KBTBD11: variants seen among roughly 807,000 people sequenced by gnomAD.
KBTBD11 encodes kelch repeat and BTB domain-containing protein 11.
For synonymous variants in KBTBD11, 747 were observed against 499.0 expected, an observed-to-expected ratio of 1.50 and a Z score of -6.63; for missense variants, 1,390 against 1,001.8, an observed-to-expected ratio of 1.39 and a Z score of -5.23.
intron 1 of KBTBD11, among the ~76,000 whole-genome samples, chr8:1,989,734 C>CT (rs1816838417): frequency 6.6e-6 from 1 of 152,142 alleles, no homozygotes. Context: ...CGAGTGCCCC[C>CT]TCACCTCCCT....
At position 2,001,995 on chromosome 8, in the gene KBTBD11, GCGAGCC is replaced by G; in HGVS notation, c.806_811del (p.Glu269_Pro270del). The stretch of plus-strand genomic sequence containing the variant: ...AGCGACCACTATCTGGAGGTGCTGC[GCGAGCC>G]CGCCGTGTTCGGCCGCCTGTCGGGC... On this transcript the variant is annotated inframe_deletion, in exon 2 of 2. Transcript: ENST00000320248. 7.0e-7 allele frequency: 1 copy of G among 1,426,436 alleles called. No homozygotes were observed. Among genetic ancestry groups the G allele is most frequent in the African/African-American group, 1.5e-5 (1 of 66,744 alleles). 88.4% of individuals were successfully genotyped at this position (1,426,436 alleles called of 1,614,324 possible).
At position 2,001,203 on chromosome 8, in the gene KBTBD11, C is replaced by G. The variant is rs1365046783; in HGVS notation, c.11C>G (p.Ala4Gly). The G allele has an allele frequency of 2.9e-6, 4 of 1,374,882 alleles. No individual in the cohort carries two copies. The African/African-American group carries it at 4.5e-5, about 16-fold the overall frequency. 85.2% of individuals were successfully genotyped at this position (1,374,882 alleles called of 1,614,324 possible). ...CAGCACAGCCCGGCCATGGAGCACG[C>G]GGTGGCCCCCTGCGTCCTCTACCCA... is the stretch of plus-strand genomic sequence containing the variant. Reference protein sequence around the residue: MEHAVAPCVLYPGT... With the variant: MEHGVAPCVLYPGT... The change falls in exon 2 of 2, where the codon GCG (alanine) becomes GGG (glycine). Residue 4 changes from alanine (A) to glycine (G), a missense_variant. Physicochemically the swap from Ala to Gly is moderately conservative, Grantham distance 60. Coordinates refer to ENST00000320248, the MANE Select transcript of KBTBD11 (RefSeq NM_014867.3).
rs1816246819 is a variant in KBTBD11 at position 1,974,357 on chromosome 8, C to T, written c.-909+422C>T. On this transcript the variant is annotated intron_variant, in intron 1 of 1. Coordinates refer to ENST00000320248, the MANE Select transcript of KBTBD11 (RefSeq NM_014867.3). Reference sequence around the variant, plus strand: ...ACCGCCCCCGCCGAGGGTCCCGCCGCCCCAGCCGGCACGGAAGCAGGAGCA... The same window carrying T: ...ACCGCCCCCGCCGAGGGTCCCGCCGTCCCAGCCGGCACGGAAGCAGGAGCA... The T allele has an allele frequency of 1.2e-5, 12 of 984,610 alleles. No homozygotes were observed. In the African/African-American group the frequency reaches 1.4e-4, roughly 11 times the overall value. The allele number at this position is 984,610 out of a possible 1,614,324, so 61.0% of individuals were successfully genotyped here.
intron 1 of KBTBD11, among the ~76,000 whole-genome samples, chr8:1,999,575 T>C (rs1173858753): frequency 6.6e-6 from 1 of 152,258 alleles, no homozygotes; most frequent in Non-Finnish European, 1.5e-5. Context: ...CCGGCACTCA[T>C]ATCTGCCTTC....
rs751099278 is a variant in KBTBD11, at chr8:2,001,687, C to CCG, written c.506_507dup (p.Ser170ArgfsTer11). ...TGCTGGCGGCGCGCAGCGACTACTT[C>CCG]CGCGCGCGCGCGTCGCGGGACGTGC... On this transcript the variant is annotated frameshift_variant, in exon 2 of 2. Transcript: ENST00000320248. LOFTEE classifies it low-confidence loss of function (END_TRUNC). The CCG allele has an allele frequency of 1.1e-4, 159 of 1,440,928 alleles. No homozygotes were observed. The highest frequency in any genetic ancestry group is 1.5e-4 in the East Asian group (5 of 33,210). The allele number at this position is 1,440,928 out of a possible 1,614,324, so 89.3% of individuals were successfully genotyped here.
chr8:1,995,639 T>C (rs1003334325), intron 1 of KBTBD11, among the ~76,000 whole-genome samples: 2 of 152,164 alleles, frequency 1.3e-5, no homozygotes, highest in Non-Finnish European at 2.9e-5. Context: ...CCAGAAGCTG[T>C]GGGCCTGTTT....
intron 1 of KBTBD11, among the ~76,000 whole-genome samples, chr8:1,992,119 G>A (rs1816941682): frequency 1.3e-5 from 2 of 152,056 alleles, no homozygotes; most frequent in African/African-American, 4.8e-5. Flanking sequence ...CCTGGACTCT[G>A]GCCCCACCTG....
chr8:1,976,752 A>G (rs1816359612), intron 1 of KBTBD11, among the ~76,000 whole-genome samples: 2 of 152,190 alleles, frequency 1.3e-5, no homozygotes, highest in Admixed American at 6.5e-5. Context: ...AGAGGAATAC[A>G]TTCCCTTGAA....
At chr8:1,998,511 A>T (rs1817225100) in intron 1 of KBTBD11, among the ~76,000 whole-genome samples, 1 of 152,226 alleles carries the variant, frequency 6.6e-6, no homozygotes, top group Admixed American at 6.5e-5. Flanking sequence ...TGTAATGATT[A>T]ATTACATAAA....
rs184293295 is a variant in KBTBD11 at position 2,002,839 on chromosome 8, C to T, written c.1647C>T (p.Gly549=). 2,910 of 1,409,294 alleles carry T rather than the reference C, an allele frequency of 2.1e-3. 61 individuals are homozygous for T. In the African/African-American group the frequency reaches 0.039, roughly 19 times the overall value. The allele number at this position is 1,409,294 out of a possible 1,614,324, so 87.3% of individuals were successfully genotyped here. Residue 549 remains glycine (G), a synonymous_variant, in exon 2 of 2, where the codon GGC becomes GGT. Coordinates refer to ENST00000320248, the MANE Select transcript of KBTBD11 (RefSeq NM_014867.3). The surrounding 1 kb of genome is among the most constrained non-coding windows in gnomAD (Gnocchi z 4.1). The part of the protein sequence containing the change: ...APLRLPGGPT[G]LQPFRCAALD... ...TGCGCCTCCCCGGCGGCCCCACGGG[C>T]CTGCAGCCCTTCCGCTGCGCCGCCC...
chr8:2,001,546 G>A lies in KBTBD11; in HGVS notation c.354G>A (p.Ala118=). 1.4e-6 allele frequency: 2 copies of A among 1,435,190 alleles called. No individual in the cohort carries two copies. Among genetic ancestry groups the A allele is most frequent in the Non-Finnish European group, 1.8e-6 (2 of 1,099,902 alleles). 88.9% of individuals were successfully genotyped at this position (1,435,190 alleles called of 1,614,324 possible). ...PEPRVWLEDP[A]SPEEPGEPAP... ...CGCGCGTTTGGCTTGAGGACCCCGC[G>A]TCCCCCGAGGAGCCCGGGGAGCCCG... The change falls in exon 2 of 2, where the codon GCG becomes GCA. Residue 118 remains alanine (A), a synonymous_variant. Coordinates refer to ENST00000320248, the MANE Select transcript of KBTBD11 (RefSeq NM_014867.3).
chr8:2,001,967 A>T lies in KBTBD11; in HGVS notation c.775A>T (p.Met259Leu), dbSNP rs772836245. The T allele has an allele frequency of 7.5e-6, 11 of 1,470,594 alleles. No individual in the cohort carries two copies. The South Asian group carries it at 9.6e-5, about 13-fold the overall frequency. The allele number at this position is 1,470,594 out of a possible 1,614,324, so 91.1% of individuals were successfully genotyped here. The change falls in exon 2 of 2, where the codon ATG becomes TTG. Residue 259 changes from methionine (M) to leucine (L), a missense_variant. Coordinates refer to ENST00000320248, the MANE Select transcript of KBTBD11 (RefSeq NM_014867.3). ...GCTGCGCGACGCCGCCTACTGCTTCATGAGCGACCACTATCTGGAGGTGCT... is the reference window on the plus strand; with the variant it reads ...GCTGCGCGACGCCGCCTACTGCTTCTTGAGCGACCACTATCTGGAGGTGCT... ...NELRDAAYCF[M>L]SDHYLEVLRE...
chr8:2,003,697 A>G lies in KBTBD11; in HGVS notation c.*633A>G. On this transcript the variant is annotated 3_prime_UTR_variant, in exon 2 of 2. Coordinates refer to ENST00000320248, the MANE Select transcript of KBTBD11 (RefSeq NM_014867.3). Reference sequence around the variant, plus strand: ...TTGGAAGTATTTCCTTCCCCACACCATTGCTACTCAAACTCACATGCCTAG... The same window carrying G: ...TTGGAAGTATTTCCTTCCCCACACCGTTGCTACTCAAACTCACATGCCTAG... 6.0e-6 allele frequency: 1 copy of G among 167,130 alleles called. No homozygotes were observed. 10.4% of individuals were successfully genotyped at this position (167,130 alleles called of 1,614,324 possible). A position where few individuals can be genotyped will look rare whatever the true frequency, so the allele number is the denominator to read the frequency against.
intron 1 of KBTBD11, among the ~76,000 whole-genome samples, chr8:1,994,525 G>T (rs1332121098): frequency 1.3e-5 from 2 of 152,204 alleles, no homozygotes; most frequent in South Asian, 4.1e-4. Flanking sequence ...CTCATTTCTG[G>T]CTCTGCCCCT....
intron 1 of KBTBD11, among the ~76,000 whole-genome samples, chr8:1,977,444 C>G (rs562597390): frequency 1.4e-4 from 21 of 152,054 alleles, no homozygotes; most frequent in African/African-American, 4.8e-4. Flanking sequence ...TGCTTGGACT[C>G]CTGCAGTAGT....
At chr8:1,979,830 G>C (rs545208257) in intron 1 of KBTBD11, among the ~76,000 whole-genome samples, 8 of 152,348 alleles carry the variant, frequency 5.3e-5, no homozygotes, top group African/African-American at 1.9e-4. Flanking sequence ...GACAGGGCTC[G>C]GGCCTCATCC....
intron 1 of KBTBD11, among the ~76,000 whole-genome samples, chr8:1,988,964 C>G (rs1311864374): frequency 6.6e-6 from 1 of 152,228 alleles, no homozygotes; most frequent in Non-Finnish European, 1.5e-5. Flanking sequence ...CCGATTCCAG[C>G]TGAGCGTCCT....
In KBTBD11 at chr8:2,003,062, T is replaced by C. The variant is rs1401553802; in HGVS notation, c.1870T>C (p.Ter624GlnextTer102). 3 of 1,262,672 alleles carry C rather than the reference T, an allele frequency of 2.4e-6. No homozygotes were observed. The highest frequency in any genetic ancestry group is 3.0e-6 in the Non-Finnish European group (3 of 1,000,490). 78.2% of individuals were successfully genotyped at this position (1,262,672 alleles called of 1,614,324 possible). The change falls in exon 2 of 2, where the codon TAG (stop) becomes CAG (glutamine). Residue 624 changes from the stop codon to glutamine (Q), a stop_lost. Transcript: ENST00000320248. ...GCCCCGAGGGGAGCAGGGCGCCCCG[T>C]AGGCCGGCGGGGTCGGCGGGCGTCT... The part of the protein sequence containing the change: ...KPPRGEQGAP[*>Q]
intron 1 of KBTBD11, among the ~76,000 whole-genome samples, chr8:1,997,822 G>A (rs1817199939): frequency 6.6e-6 from 1 of 152,250 alleles, no homozygotes; most frequent in Non-Finnish European, 1.5e-5. Context: ...CCCCTGCTCT[G>A]CCAACTTGCT....
Sources: allele counts gnomAD v4.1 joint callset (sites outside exome capture counted in the v4.1 genomes callset), GRCh38; gene constraint gnomAD v4.1.1; non-coding constraint Gnocchi (gnomAD v3.1); transcripts MANE v1.5; gene names NCBI Gene and HGNC (gene_info 2026-07-23, HGNC 2026-07-21).